OSBPL9: variants seen among roughly 807,000 people sequenced by gnomAD.
The protein encoded by OSBPL9 is oxysterol-binding protein-related protein 9.
A neutral mutation model predicts 106.6 loss-of-function variants in OSBPL9; 40 were observed. The observed-to-expected ratio is 0.38, with a 90% CI of 0.29 to 0.49. The LOEUF (loss-of-function observed/expected upper bound fraction) is 0.49, where lower values mean the gene tolerates loss of function less well. Among genes scored for constraint, OSBPL9 ranks in the 20% least tolerant of loss-of-function variants. The probability of loss-of-function intolerance (pLI) is 0.97; values close to 1 mark genes in which losing one functional copy is unlikely to be tolerated. For synonymous variants in OSBPL9, 269 were observed against 295.4 expected, an observed-to-expected ratio of 0.91 and a Z score of 0.92; for missense variants, 609 against 887.2, an observed-to-expected ratio of 0.69 and a Z score of 3.98.
chr1:51,668,057 C>A (rs1028647466), intron 2 of OSBPL9, among the ~76,000 whole-genome samples: 4 of 152,190 alleles, frequency 2.6e-5, no homozygotes, highest in African/African-American at 9.6e-5. Context: ...TAGGAGTAGT[C>A]CCCCTATGTA....
intron 1 of OSBPL9, among the ~76,000 whole-genome samples, chr1:51,592,344 G>A (rs566409044): frequency 2.6e-5 from 4 of 152,016 alleles, no homozygotes; most frequent in African/African-American, 9.6e-5. Context: ...CTCGATCTCC[G>A]GACCTCGTGA....
chr1:51,579,495 A>G (rs967712972), intron 1 of OSBPL9, among the ~76,000 whole-genome samples: 3 of 152,158 alleles, frequency 2.0e-5, no homozygotes, highest in Non-Finnish European at 4.4e-5. Flanking sequence ...ACATAATCAG[A>G]TTGTATTCTT....
At chr1:51,666,375 G>T (rs981715326) in intron 2 of OSBPL9, among the ~76,000 whole-genome samples, 3 of 152,168 alleles carry the variant, frequency 2.0e-5, no homozygotes, top group African/African-American at 7.2e-5. Context: ...GTGAGAAATA[G>T]AGCTTGAAGA....
At chr1:51,717,084 ACCT>A (rs1351834434) in intron 4 of OSBPL9, among the ~76,000 whole-genome samples, 1 of 151,360 alleles carries the variant, frequency 6.6e-6, no homozygotes, top group Non-Finnish European at 1.5e-5. Flanking sequence ...TCCCACCTCA[ACCT>A]CCTGAGTAGC....
At chr1:51,696,132 T>C (rs568971458) in intron 3 of OSBPL9, among the ~76,000 whole-genome samples, 7 of 152,132 alleles carry the variant, frequency 4.6e-5, no homozygotes, top group South Asian at 2.1e-4. Flanking sequence ...TGCCTGAGCA[T>C]TGGAATATTT....
intron 7 of OSBPL9, 103 bp downstream of exon 7, chr1:51,748,501 A>G (rs1668509667): frequency 8.1e-7 from 1 of 1,231,496 alleles, no homozygotes. Context: ...TTGAGATGTT[A>G]GTTTTTATGA....
the OSBPL9 span, among the ~76,000 whole-genome samples, chr1:51,539,717 C>T: frequency 1.3e-5 from 2 of 152,300 alleles, no homozygotes; most frequent in East Asian, 3.9e-4. Context: ...CAAGGTCACA[C>T]AGCCTTGGGC....
intron 1 of OSBPL9, among the ~76,000 whole-genome samples, chr1:51,644,234 T>G (rs554317378): frequency 6.6e-5 from 10 of 152,132 alleles, no homozygotes; most frequent in African/African-American, 2.4e-4. Flanking sequence ...TGAAAGAAGA[T>G]TTGAGAGCTT....
At chr1:51,674,133 A>C (rs1269000236) in intron 3 of OSBPL9, among the ~76,000 whole-genome samples, 3 of 146,174 alleles carry the variant, frequency 2.1e-5, no homozygotes, top group Non-Finnish European at 3.0e-5. Context: ...ATCATGGCTC[A>C]CTGCAGCCTC....
intron 3 of OSBPL9, among the ~76,000 whole-genome samples, chr1:51,711,505 C>T (rs1268266060): frequency 4.0e-5 from 5 of 126,052 alleles, no homozygotes; most frequent in Admixed American, 1.5e-4. Context: ...GCTGGCCGGG[C>T]GGGGGGCTGA....
chr1:51,536,514 C>T, the OSBPL9 span, among the ~76,000 whole-genome samples: 15 of 152,124 alleles, frequency 9.9e-5, no homozygotes, highest in Admixed American at 2.0e-4. Context: ...GGTGGGGTCT[C>T]GTTATGTTGC....
intron 1 of OSBPL9, among the ~76,000 whole-genome samples, chr1:51,593,206 GA>G (rs1645285201): frequency 1.3e-5 from 2 of 152,080 alleles, no homozygotes; most frequent in East Asian, 3.9e-4. Flanking sequence ...GAGAGAGGGA[GA>G]GAGAAATAAA....
intron 2 of OSBPL9, among the ~76,000 whole-genome samples, chr1:51,610,504 A>G (rs1460149167): frequency 6.6e-6 from 1 of 152,194 alleles, no homozygotes; most frequent in Non-Finnish European, 1.5e-5. Context: ...AATTCAGATC[A>G]TCTTCACAAA....
chr1:51,708,846 T>C (rs1426350086), intron 3 of OSBPL9, among the ~76,000 whole-genome samples: 4 of 152,272 alleles, frequency 2.6e-5, no homozygotes, highest in Admixed American at 2.6e-4. Context: ...ATCAAAATCA[T>C]TGATAATTTT....
At chr1:51,647,307 C>T (rs1363371316) in intron 1 of OSBPL9, among the ~76,000 whole-genome samples, 2 of 152,020 alleles carry the variant, frequency 1.3e-5, no homozygotes, top group Non-Finnish European at 2.9e-5. Flanking sequence ...CTTTTTATAT[C>T]TTGCTGGATT....
At chr1:51,631,377 C>A (rs2405244) in intron 1 of OSBPL9, among the ~76,000 whole-genome samples, 1,807 of 151,972 alleles carry the variant, frequency 0.012, 38 homozygotes, top group African/African-American at 0.042. Flanking sequence ...CCCATCTCTA[C>A]AAAAAACTAA....
chr1:51,562,092 A>T, the OSBPL9 span: 1 of 152,212 alleles, frequency 6.6e-6, no homozygotes, highest in Non-Finnish European at 1.5e-5. Flanking sequence ...GATCTCATGC[A>T]ATCAGAAAGG....
At chr1:51,707,949 C>G in intron 3 of OSBPL9, 1 of 252,916 alleles carries the variant, frequency 4.0e-6, no homozygotes, top group Non-Finnish European at 7.9e-6. Flanking sequence ...TGATGACAAG[C>G]TTCCCATTCT....
chr1:51,630,717 A>G (rs1645053946), intron 1 of OSBPL9, among the ~76,000 whole-genome samples: 1 of 152,184 alleles, frequency 6.6e-6, no homozygotes, highest in Non-Finnish European at 1.5e-5. Flanking sequence ...TCTTCAATAA[A>G]TTAACCTTAG....
Sources: gnomAD v4.1 joint callset for allele counts (sites outside exome capture counted in the v4.1 genomes callset) on GRCh38, gnomAD v4.1.1 for gene constraint, MANE v1.5 for transcripts, NCBI Gene and HGNC (gene_info 2026-07-23, HGNC 2026-07-21) for gene names.